The following MORC3 variants were observed in gnomAD, a reference collection of about 807,000 sequenced individuals.
The protein encoded by MORC3 is MORC family CW-type zinc finger protein 3.
Under a neutral mutation model 109.1 loss-of-function variants are expected in MORC3, and 31 were observed. The ratio of observed to expected loss-of-function variants is 0.28; its 90% CI spans 0.21 to 0.38. The LOEUF is 0.38. Among genes scored for constraint, MORC3 ranks in the 10% least tolerant of loss-of-function variants. The pLI, the probability that MORC3 is intolerant of heterozygous loss-of-function variation, is 1.00. For synonymous variants in MORC3, 395 were observed against 380.7 expected (o/e 1.04, Z -0.44); for missense variants, 867 against 1,135.8 (o/e 0.76, Z 3.40).
At chr21:36,362,035 G>A in intron 12 of MORC3, 148 bp from the exon 13 acceptor site, 1 of 853,186 alleles carries the variant, frequency 1.2e-6, no homozygotes. Context: ...GAGATAAAAG[G>A]TAGAAAGTAT....
At chr21:36,333,141 A>C (rs2835334) in intron 1 of MORC3, among the ~76,000 whole-genome samples, 110,881 of 151,844 alleles carry the variant, frequency 0.73, 41,564 homozygotes, top group East Asian at 1. Context: ...GTATACTACT[A>C]CACTGCTACA....
rs201269568 is a variant in MORC3, at chr21:36,372,527, G to A, written c.2662G>A (p.Glu888Lys). The A allele has an allele frequency of 2.1e-3, 3,253 of 1,575,700 alleles. 5 individuals carry two copies. The highest frequency in any genetic ancestry group is 2.7e-3 in the Non-Finnish European group (3,152 of 1,169,974). The change falls in exon 16 of 17, where the codon GAA (glutamate) becomes AAA (lysine). Residue 888 changes from glutamate to lysine, a missense_variant. This residue lies in a region of MORC3 where 486 missense variants were observed against 502.1 expected (regional missense o/e 0.97). Coordinates refer to ENST00000400485, the MANE Select transcript of MORC3 (RefSeq NM_015358.3). Reference sequence around the variant, plus strand: ...GGAGTCTGTAAATCATATGGATGGAGAAAGGTAATATTAAATGAGGCGTTT... The same window carrying A: ...GGAGTCTGTAAATCATATGGATGGAAAAAGGTAATATTAAATGAGGCGTTT... ...IEESVNHMDG[E>K]SLKLRSLRVN...
At chr21:36,345,197 C>T (rs1054944812) in intron 8 of MORC3, among the ~76,000 whole-genome samples, 166 bp downstream of exon 8, 3 of 148,940 alleles carry the variant, frequency 2.0e-5, no homozygotes, top group Non-Finnish European at 3.0e-5. Flanking sequence ...CTTTTATTAA[C>T]TCCCCTCCCC....
chr21:36,325,324 G>T lies in MORC3; in HGVS notation c.39+5021G>T, dbSNP rs116126120. Reference sequence around the variant, plus strand: ...TTTGAGAAATCAGCTTCCCAAGGAGGAATTCTACGTCTGGTCTCCTGCCAT... The same window carrying T: ...TTTGAGAAATCAGCTTCCCAAGGAGTAATTCTACGTCTGGTCTCCTGCCAT... On this transcript the variant is annotated intron_variant, in intron 1 of 16. Transcript: ENST00000400485. Among the ~76,000 whole-genome samples, 552 of 152,304 alleles carry T rather than the reference G, an allele frequency of 3.6e-3. 5 individuals carry two copies. The highest frequency in any genetic ancestry group is 0.012 in the African/African-American group (516 of 41,560).
intron 1 of MORC3, among the ~76,000 whole-genome samples, chr21:36,330,268 G>C (rs2085300562): frequency 6.6e-6 from 1 of 151,938 alleles, no homozygotes; most frequent in East Asian, 1.9e-4. Flanking sequence ...ACATTTTACA[G>C]CCTCTTCTGT....
chr21:36,352,810 A>G (rs1238950264), intron 9 of MORC3, among the ~76,000 whole-genome samples: 1 of 152,054 alleles, frequency 6.6e-6, no homozygotes, highest in Non-Finnish European at 1.5e-5. Context: ...CTGATAACAT[A>G]AATAGTTGAT....
chr21:36,358,639 AAG>A (rs2085674824), intron 10 of MORC3, among the ~76,000 whole-genome samples: 1 of 152,050 alleles, frequency 6.6e-6, no homozygotes, highest in African/African-American at 2.4e-5. Flanking sequence ...AAAAAAATAA[AAG>A]AATATATACA....
chr21:36,367,327 T>G (rs1368657555), intron 14 of MORC3, among the ~76,000 whole-genome samples: 1 of 152,154 alleles, frequency 6.6e-6, no homozygotes, highest in Non-Finnish European at 1.5e-5. Context: ...AATCACAAGC[T>G]CAGCCCTAAC....
intron 14 of MORC3, among the ~76,000 whole-genome samples, chr21:36,367,320 C>CA (rs2085792391): frequency 6.6e-6 from 1 of 152,180 alleles, no homozygotes; most frequent in Admixed American, 6.5e-5. Context: ...CCCTTTGAAT[C>CA]ACAAGCTCAG....
intron 10 of MORC3, 144 bp downstream of exon 10, chr21:36,356,868 T>C (rs1219364247): frequency 2.0e-6 from 1 of 498,050 alleles, no homozygotes; most frequent in African/African-American, 2.0e-5. Context: ...CACTGCAAAA[T>C]CAGTGAATAG....
chr21:36,355,629 ATAGAG>A (rs974039616), intron 9 of MORC3, among the ~76,000 whole-genome samples: 1 of 151,954 alleles, frequency 6.6e-6, no homozygotes, highest in Non-Finnish European at 1.5e-5. Context: ...TTTTCCCAGA[ATAGAG>A]TACTTTTGTT....
intron 9 of MORC3, among the ~76,000 whole-genome samples, chr21:36,354,869 T>C (rs1335255686): frequency 6.6e-6 from 1 of 152,222 alleles, no homozygotes; most frequent in Non-Finnish European, 1.5e-5. Flanking sequence ...TCAGGTGTGG[T>C]GTCTGTTCGC....
At chr21:36,356,281 G>A (rs2085644381) in intron 9 of MORC3, among the ~76,000 whole-genome samples, 1 of 152,040 alleles carries the variant, frequency 6.6e-6, no homozygotes, top group South Asian at 2.1e-4. Flanking sequence ...TTTTATGGTA[G>A]TAAATTATAA....
At chr21:36,360,338 T>C in intron 12 of MORC3, 80 bp downstream of exon 12, 1 of 1,373,324 alleles carries the variant, frequency 7.3e-7, no homozygotes, top group East Asian at 2.3e-5. Context: ...ATTTGATGCT[T>C]CTCCAAGGTA....
At chr21:36,362,108 C>T in intron 12 of MORC3, 75 bp from the exon 13 acceptor site, 1 of 1,443,680 alleles carries the variant, frequency 6.9e-7, no homozygotes, top group Admixed American at 1.7e-5. Context: ...ACCTTAGTAA[C>T]TGCATAAATG....
chr21:36,349,905 G>A (rs920458118), intron 9 of MORC3, among the ~76,000 whole-genome samples: 11 of 152,190 alleles, frequency 7.2e-5, no homozygotes, highest in Admixed American at 3.3e-4. Flanking sequence ...GATGGGCACA[G>A]CTGAAGCTCC....
intron 5 of MORC3, among the ~76,000 whole-genome samples, chr21:36,339,995 A>G (rs1019578406): frequency 6.6e-6 from 1 of 152,112 alleles, no homozygotes; most frequent in African/African-American, 2.4e-5. Flanking sequence ...AAACTATAGT[A>G]CAGCCAGGCA....
At chr21:36,368,039 A>G (rs1297187957) in intron 14 of MORC3, among the ~76,000 whole-genome samples, 2 of 152,178 alleles carry the variant, frequency 1.3e-5, no homozygotes, top group African/African-American at 2.4e-5. Flanking sequence ...AAAAAAGAGG[A>G]AAATCCTTCC....
chr21:36,352,749 C>T (rs2146318727), intron 9 of MORC3, among the ~76,000 whole-genome samples: 1 of 152,126 alleles, frequency 6.6e-6, no homozygotes, highest in African/African-American at 2.4e-5. Flanking sequence ...GTCAAAGATC[C>T]ACGTATAACT....
Sources: allele counts gnomAD v4.1 joint callset (sites outside exome capture counted in the v4.1 genomes callset), GRCh38; gene constraint gnomAD v4.1.1; regional missense constraint gnomAD v4.1.1; transcripts MANE v1.5; gene names NCBI Gene and HGNC (gene_info 2026-07-23, HGNC 2026-07-21).